The following GPHN variants were observed in gnomAD, a reference collection of about 807,000 sequenced individuals.
GPHN encodes the protein gephyrin.
A neutral mutation model predicts 95.5 loss-of-function variants in GPHN; 17 were observed. The ratio of observed to expected loss-of-function variants is 0.18; its 90% CI spans 0.12 to 0.27. GPHN has a LOEUF of 0.27. Among genes scored for constraint, GPHN ranks in the 10% least tolerant of loss-of-function variants. The pLI, the probability that GPHN is intolerant of heterozygous loss-of-function variation, is 1.00. For synonymous variants in GPHN, 320 were observed against 322.5 expected, an observed-to-expected ratio of 0.99 and a Z score of 0.08; for missense variants, 660 against 978.1, an observed-to-expected ratio of 0.67 and a Z score of 4.34.
intron 9 of GPHN, among the ~76,000 whole-genome samples, chr14:66,973,337 A>G (rs1195460768): frequency 6.6e-6 from 1 of 152,230 alleles, no homozygotes; most frequent in African/African-American, 2.4e-5. Flanking sequence ...TTTTGAAGAT[A>G]TAAGACCAGA....
intron 4 of GPHN, among the ~76,000 whole-genome samples, chr14:66,862,947 T>C (rs2063084811): frequency 6.6e-6 from 1 of 152,116 alleles, no homozygotes; most frequent in African/African-American, 2.4e-5. Flanking sequence ...AGCACTATTA[T>C]TCAGCGTACT....
chr14:66,924,172 G>C (rs762152734), intron 7 of GPHN, 22 bp from the exon 8 acceptor site: 1 of 1,312,534 alleles, frequency 7.6e-7, no homozygotes, highest in Admixed American at 1.7e-5. Context: ...TATATTCATA[G>C]TTGTTATGTG....
At chr14:67,356,731 C>T in the GPHN span, among the ~76,000 whole-genome samples, 23 of 152,322 alleles carry the variant, frequency 1.5e-4, no homozygotes, top group Admixed American at 1.2e-3. Context: ...TGTGCCTCCC[C>T]TTAAAGAGAA....
the GPHN span, among the ~76,000 whole-genome samples, chr14:67,605,101 G>A: frequency 6.6e-6 from 1 of 152,030 alleles, no homozygotes; most frequent in Non-Finnish European, 1.5e-5. Flanking sequence ...TAGGGTTTTT[G>A]TATTTTCACC....
At chr14:67,316,580 A>G in the GPHN span, among the ~76,000 whole-genome samples, 5 of 152,212 alleles carry the variant, frequency 3.3e-5, no homozygotes, top group African/African-American at 4.8e-5. Context: ...AAGTTGAACT[A>G]TTAAATTTTT....
At chr14:67,209,131 T>A in the GPHN span, among the ~76,000 whole-genome samples, 1 of 152,202 alleles carries the variant, frequency 6.6e-6, no homozygotes, top group Admixed American at 6.5e-5. Context: ...TGGCAGAGTT[T>A]ACGTGATTCA....
the GPHN span, among the ~76,000 whole-genome samples, chr14:67,489,848 G>A: frequency 6.6e-6 from 1 of 152,184 alleles, no homozygotes; most frequent in African/African-American, 2.4e-5. Flanking sequence ...AAATTAGCCA[G>A]GTGTGATGGT....
chr14:66,626,810 A>T (rs1160607272), intron 1 of GPHN, among the ~76,000 whole-genome samples: 1 of 152,076 alleles, frequency 6.6e-6, no homozygotes, highest in East Asian at 1.9e-4. Context: ...ACTGAATTGG[A>T]TTCATGTCTA....
intron 11 of GPHN, among the ~76,000 whole-genome samples, chr14:67,063,473 T>C (rs1396974164): frequency 6.6e-6 from 1 of 152,200 alleles, no homozygotes; most frequent in Non-Finnish European, 1.5e-5. Flanking sequence ...GTGAAGAAAG[T>C]CATTGGTAGC....
the GPHN span, chr14:67,691,330 A>G: frequency 1.6e-3 from 1,365 of 834,094 alleles, 2 homozygotes; most frequent in Non-Finnish European, 1.8e-3. Flanking sequence ...GGCTTTGAAA[A>G]TGAGGATGCA....
intron 1 of GPHN, among the ~76,000 whole-genome samples, chr14:66,659,880 G>T (rs2065536331): frequency 6.6e-6 from 1 of 151,892 alleles, no homozygotes; most frequent in Admixed American, 6.6e-5. Context: ...ATCTCTTTCA[G>T]TTGGTGTATT....
the GPHN span, among the ~76,000 whole-genome samples, chr14:67,244,714 A>G: frequency 6.6e-6 from 1 of 152,152 alleles, no homozygotes; most frequent in African/African-American, 2.4e-5. Flanking sequence ...TCTTAAGTAG[A>G]TGGAATATGG....
chr14:67,690,438 G>T, the GPHN span: 1 of 1,609,196 alleles, frequency 6.2e-7, no homozygotes, highest in South Asian at 1.1e-5. Context: ...AGAAATACTA[G>T]AATTAATGAA....
At chr14:67,003,232 A>G (rs1209505375) in intron 9 of GPHN, among the ~76,000 whole-genome samples, 19 of 151,690 alleles carry the variant, frequency 1.3e-4, no homozygotes, top group Admixed American at 1.1e-3. Flanking sequence ...TATATGTCAT[A>G]CACTACAAGC....
chr14:67,009,218 A>T (rs1031820743), intron 9 of GPHN, among the ~76,000 whole-genome samples: 1 of 151,918 alleles, frequency 6.6e-6, no homozygotes, highest in Non-Finnish European at 1.5e-5. Context: ...ACTGAGAAAG[A>T]GTATGAACCT....
chr14:66,632,372 ATTT>A, intron 1 of GPHN, among the ~76,000 whole-genome samples: 1 of 151,730 alleles, frequency 6.6e-6, no homozygotes. Context: ...CATATATTTG[ATTT>A]TATTGTATTC....
At chr14:67,646,869 T>G in the GPHN span, 1 of 1,423,466 alleles carries the variant, frequency 7.0e-7, no homozygotes, top group South Asian at 1.2e-5. Flanking sequence ...AATACATATT[T>G]GTTAAAAATG....
At chr14:67,471,567 A>G in the GPHN span, 2 of 152,218 alleles carry the variant, frequency 1.3e-5, no homozygotes, top group Non-Finnish European at 2.9e-5. Context: ...CCACAATAAA[A>G]TCAAAAGGAG....
the GPHN span, among the ~76,000 whole-genome samples, chr14:67,679,404 G>GTT: frequency 0.011 from 1,586 of 140,792 alleles, 35 homozygotes; most frequent in African/African-American, 0.038. Context: ...TTAATTCCAA[G>GTT]TTTTTTTTTT....
Sources: allele counts gnomAD v4.1 joint callset (sites outside exome capture counted in the v4.1 genomes callset), GRCh38; gene constraint gnomAD v4.1.1; transcripts MANE v1.5; gene names NCBI Gene and HGNC (gene_info 2026-07-23, HGNC 2026-07-21).